Variants in GLRA3 observed in about 807,000 individuals in gnomAD.
The protein encoded by GLRA3 is glycine receptor alpha 3.
GLRA3 carries 44 observed loss-of-function variants against 60.4 expected under a neutral mutation model. The ratio of observed to expected loss-of-function variants is 0.73; its 90% CI spans 0.57 to 0.94. The LOEUF is 0.94. Ranked by LOEUF, GLRA3 falls within the 40% of genes least tolerant of loss-of-function variation. The probability of loss-of-function intolerance (pLI) is 0.00; values close to 1 mark genes in which losing one functional copy is unlikely to be tolerated. For missense variants in GLRA3, 508 were observed against 564.6 expected (o/e 0.90, Z 1.02); for synonymous variants, 223 against 192.9 (o/e 1.16, Z -1.29).
At chr4:174,688,393 AT>A (rs1371873919) in intron 5 of GLRA3, among the ~76,000 whole-genome samples, 4 of 130,866 alleles carry the variant, frequency 3.1e-5, no homozygotes, top group African/African-American at 8.5e-5. Flanking sequence ...CATTATATAT[AT>A]TCATCAGATT....
At chr4:174,759,977 G>A (rs1403481915) in intron 3 of GLRA3, among the ~76,000 whole-genome samples, 1 of 152,138 alleles carries the variant, frequency 6.6e-6, no homozygotes, top group Non-Finnish European at 1.5e-5. Flanking sequence ...AAGAAGCATA[G>A]AGTATTAAGC....
At chr4:174,798,397 G>T (rs1271250633) in intron 1 of GLRA3, among the ~76,000 whole-genome samples, 2 of 152,134 alleles carry the variant, frequency 1.3e-5, no homozygotes, top group African/African-American at 4.8e-5. Context: ...TGAAAAATAA[G>T]ATACAGAATG....
chr4:174,681,060 G>A (rs1431654060), intron 6 of GLRA3, among the ~76,000 whole-genome samples: 4 of 152,058 alleles, frequency 2.6e-5, no homozygotes, highest in African/African-American at 7.2e-5. Context: ...ACATAATTTG[G>A]GCACGTTATT....
intron 1 of GLRA3, among the ~76,000 whole-genome samples, chr4:174,819,309 T>C (rs1218786337): frequency 9.2e-5 from 14 of 152,218 alleles, no homozygotes; most frequent in Admixed American, 9.2e-4. Context: ...ATAACTCTCT[T>C]GAAGAGTCAT....
intron 9 of GLRA3, among the ~76,000 whole-genome samples, chr4:174,655,821 T>C (rs1237196759): frequency 2.0e-5 from 3 of 152,096 alleles, no homozygotes; most frequent in Non-Finnish European, 4.4e-5. Flanking sequence ...TGAGTGATTA[T>C]ATATTATAAG....
chr4:174,643,059 T>G lies in GLRA3; in HGVS notation c.*727A>C. The G allele has an allele frequency of 1.0e-6, 1 of 957,130 alleles. No homozygotes were observed. The highest frequency in any genetic ancestry group is 1.2e-6 in the Non-Finnish European group (1 of 804,884). 59.3% of individuals were successfully genotyped at this position (957,130 alleles called of 1,614,324 possible). ...AAAAATACATAGCTATAATACTTAT[T>G]TAAAAACAAAGTTGTTTCCCGTATT... On this transcript the variant is annotated 3_prime_UTR_variant, in exon 10 of 10. Transcript: ENST00000274093.
rs971636216 is a variant in GLRA3 at position 174,643,720 on chromosome 4, A to G, written c.*66T>C. ...GTATACCACACGCACACATATACAC[A>G]TACACACCTATGGCAGAGACACTTT... On this transcript the variant is annotated 3_prime_UTR_variant, in exon 10 of 10. Coordinates refer to ENST00000274093, the MANE Select transcript of GLRA3 (RefSeq NM_006529.4). The G allele has an allele frequency of 6.4e-7, 1 of 1,563,966 alleles. No homozygotes were observed. Among genetic ancestry groups the G allele is most frequent in the Admixed American group, 1.8e-5 (1 of 55,470 alleles).
intron 3 of GLRA3, among the ~76,000 whole-genome samples, chr4:174,743,788 T>G (rs1737119557): frequency 2.0e-5 from 3 of 152,222 alleles, no homozygotes; most frequent in Non-Finnish European, 2.9e-5. Context: ...TGAAACATTT[T>G]GTAATTTCTA....
chr4:174,759,944 T>C (rs769735428), intron 3 of GLRA3, among the ~76,000 whole-genome samples: 20 of 152,092 alleles, frequency 1.3e-4, no homozygotes, highest in Non-Finnish European at 2.9e-4. Flanking sequence ...TGCACTTGGG[T>C]GAGAGAAGAA....
At chr4:174,722,199 A>T (rs1221137437) in intron 4 of GLRA3, among the ~76,000 whole-genome samples, 1 of 152,158 alleles carries the variant, frequency 6.6e-6, no homozygotes, top group African/African-American at 2.4e-5. Context: ...GCCTCATGAC[A>T]GGTAGCAGTT....
rs937815101 is a variant in GLRA3, at chr4:174,659,063, T to C, written c.1062A>G (p.Arg354=). ...ACGTTTAATCACTTACCTTATTCTTTCTCTTTCGTCGAAATCTCAGAAGTT... is the reference window on the plus strand; with the variant it reads ...ACGTTTAATCACTTACCTTATTCTTCCTCTTTCGTCGAAATCTCAGAAGTT... ...HKELLRFRRK[R]KNKTEAFALE... is the part of the protein sequence containing the mutation. The change falls in exon 8 of 10, where the codon AGA becomes AGG. Residue 354 remains arginine, a synonymous_variant. Transcript: ENST00000274093. The C allele has an allele frequency of 1.2e-6, 2 of 1,612,574 alleles. No homozygotes were observed. The highest frequency in any genetic ancestry group is 1.7e-6 in the Non-Finnish European group (2 of 1,179,036).
intron 5 of GLRA3, among the ~76,000 whole-genome samples, chr4:174,684,820 C>T (rs1734492834): frequency 6.6e-6 from 1 of 152,134 alleles, no homozygotes; most frequent in Non-Finnish European, 1.5e-5. Context: ...CCAGCCTGGC[C>T]AACATGGTGA....
At chr4:174,652,982 C>A (rs929016789) in intron 9 of GLRA3, among the ~76,000 whole-genome samples, 1 of 152,046 alleles carries the variant, frequency 6.6e-6, no homozygotes, top group African/African-American at 2.4e-5. Context: ...GATATAACAG[C>A]ATTAAACACA....
chr4:174,659,747 G>A (rs573548840), intron 7 of GLRA3, among the ~76,000 whole-genome samples: 1 of 152,142 alleles, frequency 6.6e-6, no homozygotes, highest in South Asian at 2.1e-4. Flanking sequence ...CAAGGCGGGT[G>A]GATCACCTGA....
chr4:174,665,140 A>C (rs1241758654), intron 7 of GLRA3, among the ~76,000 whole-genome samples: 1 of 151,944 alleles, frequency 6.6e-6, no homozygotes. Flanking sequence ...CAGTTTCTTA[A>C]TTGCTTATTA....
intron 3 of GLRA3, among the ~76,000 whole-genome samples, chr4:174,765,709 C>T (rs1016655068): frequency 6.6e-6 from 1 of 151,922 alleles, no homozygotes; most frequent in African/African-American, 2.4e-5. Context: ...AGAAATTGCA[C>T]CAGAACCAGA....
intron 5 of GLRA3, among the ~76,000 whole-genome samples, chr4:174,698,241 G>C (rs887656232): frequency 4.6e-5 from 7 of 152,070 alleles, no homozygotes; most frequent in Admixed American, 1.3e-4. Context: ...GCCCAGGCTG[G>C]AGTGCAGTGA....
intron 1 of GLRA3, among the ~76,000 whole-genome samples, chr4:174,794,480 C>G (rs572185321): frequency 1.3e-5 from 2 of 152,152 alleles, no homozygotes; most frequent in African/African-American, 2.4e-5. Flanking sequence ...TATGCACACA[C>G]GCACACACAC....
chr4:174,743,992 C>G (rs1260419815), intron 3 of GLRA3, among the ~76,000 whole-genome samples: 9 of 152,176 alleles, frequency 5.9e-5, no homozygotes, highest in Non-Finnish European at 1.2e-4. Flanking sequence ...GGCTGCCGGT[C>G]TGTGGCTGTG....
Sources: allele counts gnomAD v4.1 joint callset (sites outside exome capture counted in the v4.1 genomes callset), GRCh38; gene constraint gnomAD v4.1.1; transcripts MANE v1.5; gene names NCBI Gene and HGNC (gene_info 2026-07-23, HGNC 2026-07-21).